AOPEP: variants seen among roughly 807,000 people sequenced by gnomAD.
AOPEP encodes aminopeptidase O (putative).
AOPEP carries 77 observed loss-of-function variants against 98.1 expected under a neutral mutation model. That is an observed-to-expected ratio of 0.78 (90% CI 0.65 to 0.95). AOPEP has a LOEUF of 0.95. Ranked by LOEUF, AOPEP falls within the 40% of genes least tolerant of loss-of-function variation. The pLI is 0.00. For synonymous variants in AOPEP, 346 were observed against 365.3 expected, an observed-to-expected ratio of 0.95 and a Z score of 0.60; for missense variants, 1,024 against 1,024.7, an observed-to-expected ratio of 1.00 and a Z score of 0.01.
At chr9:94,883,702 T>C (rs1564317338) in intron 5 of AOPEP, among the ~76,000 whole-genome samples, 1 of 152,242 alleles carries the variant, frequency 6.6e-6, no homozygotes, top group Non-Finnish European at 1.5e-5. Flanking sequence ...TAAGAATAAG[T>C]ACCTCTAAGT....
rs184514154 is a variant in AOPEP at position 94,901,870 on chromosome 9, C to T, written c.1365-22116C>T. Among the ~76,000 whole-genome samples the T allele has an allele frequency of 9.8e-4, 149 of 152,084 alleles. 1 individual carries two copies. Among genetic ancestry groups the T allele is most frequent in the Admixed American group, 3.7e-3 (57 of 15,278 alleles). On this transcript the variant is annotated intron_variant, in intron 5 of 16. Coordinates refer to ENST00000375315, the MANE Select transcript of AOPEP (RefSeq NM_001193329.3). ...GATGCAGTGAGCTGAGATCGCGCCACTGCACTCCAGCCTGGGTGACAGAGT... is the reference window on the plus strand; with the variant it reads ...GATGCAGTGAGCTGAGATCGCGCCATTGCACTCCAGCCTGGGTGACAGAGT...
At chr9:94,967,523 T>A (rs1245822347) in intron 9 of AOPEP, among the ~76,000 whole-genome samples, 1 of 152,168 alleles carries the variant, frequency 6.6e-6, no homozygotes, top group African/African-American at 2.4e-5. Flanking sequence ...GTCAGAATAA[T>A]AAACATTCCA....
At chr9:94,955,362 C>T (rs938059540) in intron 8 of AOPEP, 83 bp downstream of exon 8, 3 of 830,506 alleles carry the variant, frequency 3.6e-6, no homozygotes, top group African/African-American at 1.7e-5. Flanking sequence ...TGATTAGTAA[C>T]AAGACTGAGG....
At chr9:94,926,080 G>A (rs757156945) in intron 6 of AOPEP, among the ~76,000 whole-genome samples, 7 of 152,098 alleles carry the variant, frequency 4.6e-5, no homozygotes, top group South Asian at 2.1e-4. Flanking sequence ...TCTCAGATTC[G>A]CGCTGGTCCT....
At chr9:94,955,392 T>C (rs1056846810) in intron 8 of AOPEP, 113 bp downstream of exon 8, 2 of 665,992 alleles carry the variant, frequency 3.0e-6, no homozygotes, top group East Asian at 2.7e-5. Context: ...TGTAATGATA[T>C]CTGACTGGCC....
intron 15 of AOPEP, 41 bp from the exon 16 acceptor site, chr9:95,082,534 C>T (rs1463813103): frequency 1.2e-6 from 2 of 1,606,850 alleles, no homozygotes; most frequent in South Asian, 2.2e-5. Context: ...TGTGGGTACC[C>T]ACACCTTCGC....
the AOPEP span, chr9:95,111,499 G>A: frequency 1.2e-6 from 2 of 1,613,930 alleles, no homozygotes; most frequent in South Asian, 1.1e-5. Flanking sequence ...CATCACGGGG[G>A]CCGTAGTAGA....
At chr9:94,870,696 G>T (rs187192893) in intron 5 of AOPEP, among the ~76,000 whole-genome samples, 104 of 152,340 alleles carry the variant, frequency 6.8e-4, no homozygotes, top group Admixed American at 1.4e-3. Flanking sequence ...CTAGATGTAC[G>T]CTGTGACATT....
At chr9:94,948,832 G>A (rs571272789) in intron 7 of AOPEP, among the ~76,000 whole-genome samples, 2 of 152,300 alleles carry the variant, frequency 1.3e-5, no homozygotes, top group South Asian at 4.2e-4. Context: ...TTGGCACCTG[G>A]TCTTCCTTAT....
At chr9:94,754,986 GAA>G (rs1836682397) in intron 1 of AOPEP, among the ~76,000 whole-genome samples, 1 of 152,136 alleles carries the variant, frequency 6.6e-6, no homozygotes, top group African/African-American at 2.4e-5. Flanking sequence ...TCCCCCTTAA[GAA>G]AAATATTACT....
At chr9:95,115,895 C>T in the AOPEP span, among the ~76,000 whole-genome samples, 4 of 152,202 alleles carry the variant, frequency 2.6e-5, no homozygotes, top group Non-Finnish European at 4.4e-5. Flanking sequence ...ACCCCTCTCC[C>T]GGCCTTCACA....
intron 7 of AOPEP, among the ~76,000 whole-genome samples, chr9:94,948,774 A>G (rs866938931): frequency 2.0e-5 from 3 of 152,286 alleles, no homozygotes; most frequent in Middle Eastern, 6.8e-3. Flanking sequence ...TTGGCAGGAA[A>G]GTTGAATCAA....
the AOPEP span, among the ~76,000 whole-genome samples, chr9:95,098,145 C>A: frequency 6.6e-6 from 1 of 152,274 alleles, no homozygotes; most frequent in African/African-American, 2.4e-5. Flanking sequence ...TGTGCAAATC[C>A]TCCAGTGCAT....
intron 5 of AOPEP, among the ~76,000 whole-genome samples, chr9:94,814,857 C>T (rs1298057586): frequency 1.3e-5 from 2 of 152,142 alleles, no homozygotes; most frequent in East Asian, 1.9e-4. Context: ...TTGAACTAGA[C>T]GGTACTCTGT....
chr9:95,069,958 T>C (rs2134054741), intron 14 of AOPEP, among the ~76,000 whole-genome samples: 1 of 152,394 alleles, frequency 6.6e-6, no homozygotes, highest in Non-Finnish European at 1.5e-5. Flanking sequence ...AAGTAACTTT[T>C]AATTTCCTTT....
At chr9:94,781,424 T>C (rs944851518) in intron 3 of AOPEP, among the ~76,000 whole-genome samples, 9 of 152,202 alleles carry the variant, frequency 5.9e-5, no homozygotes, top group Non-Finnish European at 1.3e-4. Flanking sequence ...CAAAATCGAC[T>C]TCAGGGTCAT....
At chr9:94,898,494 A>G (rs1284018343) in intron 5 of AOPEP, among the ~76,000 whole-genome samples, 1 of 151,866 alleles carries the variant, frequency 6.6e-6, no homozygotes, top group Non-Finnish European at 1.5e-5. Flanking sequence ...GGCACTTGTA[A>G]TTCCAGCTAC....
intron 5 of AOPEP, among the ~76,000 whole-genome samples, chr9:94,866,533 A>G (rs895530856): frequency 6.6e-5 from 10 of 152,246 alleles, no homozygotes; most frequent in African/African-American, 2.4e-4. Flanking sequence ...TAGGCTTTAC[A>G]TGTAAAATCT....
intron 5 of AOPEP, among the ~76,000 whole-genome samples, chr9:94,877,428 T>C (rs2047081807): frequency 2.2e-4 from 1 of 4,456 alleles, no homozygotes; most frequent in Non-Finnish European, 3.2e-3. Context: ...TTTTCTTTTC[T>C]TTTTTTTTTT....
Sources: allele counts gnomAD v4.1 joint callset (sites outside exome capture counted in the v4.1 genomes callset), GRCh38; gene constraint gnomAD v4.1.1; transcripts MANE v1.5; gene names NCBI Gene and HGNC (gene_info 2026-07-23, HGNC 2026-07-21).